KBTBD12: variants seen among roughly 807,000 people sequenced by gnomAD.
The protein encoded by KBTBD12 is kelch repeat and BTB domain containing 12.
In KBTBD12, 53 loss-of-function variants were observed where a neutral mutation model predicts 58.7. The observed-to-expected ratio is 0.90, with a 90% CI of 0.72 to 1.14. The LOEUF is 1.14. KBTBD12 is among the 50% of genes most tolerant of loss of function. The pLI, the probability that KBTBD12 is intolerant of heterozygous loss-of-function variation, is 0.00. For missense variants in KBTBD12, 704 were observed against 751.3 expected (o/e 0.94, Z 0.74); for synonymous variants, 236 against 259.8 (o/e 0.91, Z 0.88).
At chr3:127,950,909 G>A (rs991210704) in intron 4 of KBTBD12, among the ~76,000 whole-genome samples, 1 of 152,064 alleles carries the variant, frequency 6.6e-6, no homozygotes, top group East Asian at 1.9e-4. Context: ...GGTGCCTATA[G>A]TCCCAGCTAC....
intron 5 of KBTBD12, among the ~76,000 whole-genome samples, chr3:127,977,273 G>T (rs896861462): frequency 1.3e-5 from 2 of 152,162 alleles, no homozygotes; most frequent in African/African-American, 4.8e-5. Flanking sequence ...CTTTGCTATT[G>T]TGAATAGTTC....
At chr3:127,943,217 T>C (rs1482952047) in intron 4 of KBTBD12, among the ~76,000 whole-genome samples, 1 of 152,230 alleles carries the variant, frequency 6.6e-6, no homozygotes, top group Admixed American at 6.5e-5. Flanking sequence ...AGAAGAGGGA[T>C]TGTTAGGTCA....
Position 127,930,153 on chromosome 3 carries a change from A to G in KBTBD12, c.1362A>G (p.Glu454=). The change falls in exon 4 of 6, where the codon GAA becomes GAG. Residue 454 remains glutamate, a synonymous_variant. Coordinates refer to ENST00000405109, the MANE Select transcript of KBTBD12 (RefSeq NM_207335.4). The part of the protein sequence containing the change: ...WTPQMDLPDE[E]PDRLSNKLLQ... ...TACAGATGGATCTTCCTGATGAAGA[A>G]CCTGATCGATTAAGCAACAAACTGT... 1.3e-6 allele frequency: 2 copies of G among 1,591,818 alleles called. No individual in the cohort carries two copies. The highest frequency in any genetic ancestry group is 1.7e-6 in the Non-Finnish European group (2 of 1,167,790).
At chr3:127,945,378 G>A (rs1287166715) in intron 4 of KBTBD12, among the ~76,000 whole-genome samples, 4 of 150,784 alleles carry the variant, frequency 2.7e-5, no homozygotes, top group African/African-American at 7.3e-5. Flanking sequence ...TAGAGACAGG[G>A]TTTCACCCTG....
rs1166566000 is a variant in KBTBD12 at position 127,927,680 on chromosome 3, G to A, written c.1071-84G>A. The A allele has an allele frequency of 4.0e-6, 4 of 997,120 alleles. No homozygotes were observed. The African/African-American group carries it at 4.9e-5, about 12-fold the overall frequency. The allele number at this position is 997,120 out of a possible 1,614,324, so 61.8% of individuals were successfully genotyped here. A position where few individuals can be genotyped will look rare whatever the true frequency, so the allele number is the denominator to read the frequency against. On this transcript the variant is annotated intron_variant, in intron 2 of 5. Transcript: ENST00000405109. The stretch of plus-strand genomic sequence containing the variant: ...GGAAGAACCATATCTCATTATTTTT[G>A]GTCAGAAAATAAATAAGTGTATTTC...
intron 1 of KBTBD12, among the ~76,000 whole-genome samples, chr3:127,921,569 G>T (rs1299499862): frequency 6.6e-6 from 1 of 152,014 alleles, no homozygotes; most frequent in African/African-American, 2.4e-5. Context: ...TAATATAACT[G>T]CCCAGGTATT....
intron 3 of KBTBD12, 133 bp from the exon 4 acceptor site, chr3:127,930,000 T>G: frequency 1.4e-6 from 1 of 702,328 alleles, no homozygotes; most frequent in South Asian, 1.8e-5. Context: ...GGGTTTGGTG[T>G]GTTTGTGAGT....
chr3:127,966,303 GA>G (rs899001478), intron 5 of KBTBD12, among the ~76,000 whole-genome samples: 3 of 152,164 alleles, frequency 2.0e-5, no homozygotes, highest in African/African-American at 4.8e-5. Context: ...GAATCTCACA[GA>G]AAAAGTCTTT....
chr3:127,965,067 C>T (rs538469654), intron 5 of KBTBD12, among the ~76,000 whole-genome samples: 3 of 152,352 alleles, frequency 2.0e-5, no homozygotes, highest in East Asian at 1.9e-4. Flanking sequence ...GAGCAACTCC[C>T]ATATTCTGGC....
intron 4 of KBTBD12, among the ~76,000 whole-genome samples, chr3:127,940,771 G>A (rs1299263724): frequency 6.6e-6 from 1 of 152,018 alleles, no homozygotes; most frequent in Admixed American, 6.6e-5. Context: ...AAACCAATCT[G>A]TTTCTTTGAA....
At chr3:127,942,688 A>G (rs917748110) in intron 4 of KBTBD12, among the ~76,000 whole-genome samples, 1 of 146,860 alleles carries the variant, frequency 6.8e-6, no homozygotes, top group South Asian at 2.1e-4. Flanking sequence ...AACTATATAT[A>G]ACTATATATA....
intron 1 of KBTBD12, among the ~76,000 whole-genome samples, chr3:127,915,960 G>C (rs1267295960): frequency 6.6e-6 from 1 of 152,258 alleles, no homozygotes; most frequent in Non-Finnish European, 1.5e-5. Flanking sequence ...CTAGGATAGT[G>C]CCTGGCACTT....
At chr3:127,929,011 T>TTAAAC (rs1939640055) in intron 3 of KBTBD12, among the ~76,000 whole-genome samples, 1 of 152,232 alleles carries the variant, frequency 6.6e-6, no homozygotes, top group African/African-American at 2.4e-5. Context: ...TTATTTGTAA[T>TTAAAC]TAAACTTTTT....
At position 127,987,524 on chromosome 3, in the gene KBTBD12, T is replaced by C. The variant is rs996194528; in HGVS notation, c.*3246T>C. On this transcript the variant is annotated 3_prime_UTR_variant, in exon 6 of 6. Transcript: ENST00000405109. ...CAAGGAAACACAATAAGGAAGTAAT[T>C]TGGATGCTAGGCTGGCAGAAGCCTG... The C allele has an allele frequency of 2.6e-5, 4 of 152,236 alleles. No individual in the cohort carries two copies. The highest frequency in any genetic ancestry group is 4.4e-5 in the Non-Finnish European group (3 of 68,044). 9.4% of individuals were successfully genotyped at this position (152,236 alleles called of 1,614,324 possible).
chr3:127,930,179 T>G lies in KBTBD12; in HGVS notation c.1388T>G (p.Leu463Trp). Residue 463 changes from leucine (L) to tryptophan (W), a missense_variant, in exon 4 of 6, where the codon TTG (leucine) becomes TGG (tryptophan). Leu to Trp is a moderately conservative substitution (Grantham distance 61, BLOSUM62 -2). Coordinates refer to ENST00000405109, the MANE Select transcript of KBTBD12 (RefSeq NM_207335.4). Reference protein sequence around the residue: ...EEPDRLSNKLLQYDPSQDQWS... With the variant: ...EEPDRLSNKLWQYDPSQDQWS... ...CCTGATCGATTAAGCAACAAACTGT[T>G]GCAGTATGACCCCAGCCAAGATCAA... The G allele has an allele frequency of 6.2e-7, 1 of 1,603,112 alleles. No individual in the cohort carries two copies. The highest frequency in any genetic ancestry group is 8.5e-7 in the Non-Finnish European group (1 of 1,174,200).
At chr3:127,960,936 C>T (rs148081201) in intron 4 of KBTBD12, among the ~76,000 whole-genome samples, 14 of 152,238 alleles carry the variant, frequency 9.2e-5, no homozygotes, top group East Asian at 1.9e-4. Flanking sequence ...TCTGTATATG[C>T]GTCATGTTGG....
rs554079804 is a variant in KBTBD12, at chr3:127,930,209, G to A, written c.1418G>A (p.Ser473Asn). 13 of 1,609,026 alleles carry A rather than the reference G, an allele frequency of 8.1e-6. No individual in the cohort carries two copies. The highest frequency in any genetic ancestry group is 5.6e-5 in the South Asian group (5 of 90,030). Residue 473 changes from serine to asparagine, a missense_variant, in exon 4 of 6, where the codon AGT becomes AAT. Transcript: ENST00000405109. ...TATGACCCCAGCCAAGATCAATGGA[G>A]TGTGCGGGCACCCATGAAGTACTCT... The part of the protein sequence containing the change: ...LQYDPSQDQW[S>N]VRAPMKYSKY...
intron 5 of KBTBD12, among the ~76,000 whole-genome samples, chr3:127,979,639 C>T (rs1559776961): frequency 6.6e-6 from 1 of 152,210 alleles, no homozygotes; most frequent in East Asian, 1.9e-4. Flanking sequence ...CACATATGGG[C>T]AGTGGTTACT....
At chr3:127,984,001 A>G in intron 5 of KBTBD12, 96 bp from the exon 6 acceptor site, 6 of 926,534 alleles carry the variant, frequency 6.5e-6, no homozygotes, top group Non-Finnish European at 1.0e-5. Context: ...GGACTAAGAC[A>G]TTGCCTTTTG....
Sources: allele counts gnomAD v4.1 joint callset (sites outside exome capture counted in the v4.1 genomes callset), GRCh38; gene constraint gnomAD v4.1.1; transcripts MANE v1.5; gene names NCBI Gene and HGNC (gene_info 2026-07-23, HGNC 2026-07-21).